ROBO3: variants seen among roughly 807,000 people sequenced by gnomAD.
ROBO3 encodes roundabout homolog 3.
A neutral mutation model predicts 160.5 loss-of-function variants in ROBO3; 97 were observed. That is an observed-to-expected ratio of 0.60 (90% CI 0.51 to 0.72). The LOEUF (loss-of-function observed/expected upper bound fraction) is 0.72. ROBO3 is among the 30% of genes least tolerant of loss of function. The pLI is 0.00. For missense variants in ROBO3, 1,858 were observed against 1,846.5 expected, an observed-to-expected ratio of 1.01 and a Z score of -0.11; for synonymous variants, 780 against 746.2, an observed-to-expected ratio of 1.05 and a Z score of -0.74.
chr11:124,874,402 A>G (rs1804850488), intron 12 of ROBO3, among the ~76,000 whole-genome samples, 166 bp downstream of exon 12: 1 of 152,148 alleles, frequency 6.6e-6, no homozygotes, highest in African/African-American at 2.4e-5. Context: ...CCTCTCACAG[A>G]AGAGACAAGG....
chr11:124,866,348 C>T (rs989769996), intron 1 of ROBO3, among the ~76,000 whole-genome samples: 4 of 152,202 alleles, frequency 2.6e-5, no homozygotes, highest in Non-Finnish European at 4.4e-5. Context: ...AGGTCGTTAC[C>T]GCTAATTACG....
chr11:124,868,035 T>C (rs1348848247), intron 1 of ROBO3, among the ~76,000 whole-genome samples: 1 of 152,194 alleles, frequency 6.6e-6, no homozygotes, highest in Non-Finnish European at 1.5e-5. Flanking sequence ...GTGGATGAAC[T>C]GATCGGAGTG....
In ROBO3 at chr11:124,873,094, G is replaced by C; in HGVS notation, c.1536+5G>C. The C allele has an allele frequency of 6.2e-7, 1 of 1,612,324 alleles. No individual in the cohort carries two copies. Among genetic ancestry groups the C allele is most frequent in the Non-Finnish European group, 8.5e-7 (1 of 1,178,962 alleles). ...CTGTACATCGCCAATGTGCAGGTGA[G>C]TGTCACCCCTGGGGCCCTAGTAGCT... On this transcript the variant is annotated splice_donor_5th_base_variant and intron_variant, in intron 9 of 27. Transcript: ENST00000397801. The surrounding 1 kb of genome is among the most constrained non-coding windows in gnomAD (Gnocchi z 4.5).
At position 124,876,026 on chromosome 11, in the gene ROBO3, C is replaced by A; in HGVS notation, c.2494C>A (p.Leu832Ile). ...SAAGWARSAM[L>I]RGLVPGLLYR... Reference sequence around the variant, plus strand: ...AGCAGGCTGGGCACGCTCCGCAATGCTCCGAGGACTGGTGCCCGGTCTCCT... The same window carrying A: ...AGCAGGCTGGGCACGCTCCGCAATGATCCGAGGACTGGTGCCCGGTCTCCT... The change falls in exon 16 of 28, where the codon CTC becomes ATC. Residue 832 changes from leucine (L) to isoleucine (I), a missense_variant. Transcript: ENST00000397801. The surrounding 1 kb of genome is among the most constrained non-coding windows in gnomAD (Gnocchi z 5.3). The A allele has an allele frequency of 6.2e-7, 1 of 1,604,950 alleles. No individual in the cohort carries two copies.
intron 19 of ROBO3, 95 bp from the exon 20 acceptor site, chr11:124,877,424 G>T (rs909115634): frequency 1.3e-6 from 2 of 1,590,650 alleles, no homozygotes; most frequent in Admixed American, 3.4e-5. Flanking sequence ...CAACACCACC[G>T]CCACTGTCCT....
Position 124,865,812 on chromosome 11 carries a change from G to A in ROBO3, c.160+75G>A. The A allele has an allele frequency of 2.1e-6, 3 of 1,462,208 alleles. No homozygotes were observed. Among genetic ancestry groups the A allele is most frequent in the Non-Finnish European group, 2.7e-6 (3 of 1,092,276 alleles). 90.6% of individuals were successfully genotyped at this position (1,462,208 alleles called of 1,614,324 possible). On this transcript the variant is annotated intron_variant, in intron 1 of 27. Coordinates refer to ENST00000397801, the MANE Select transcript of ROBO3 (RefSeq NM_022370.4). The surrounding 1 kb of genome is among the most constrained non-coding windows in gnomAD (Gnocchi z 5.5). Reference sequence around the variant, plus strand: ...GAGAGGGCGGCGTGGAAGGGAAGGAGAAGCGCTCCTGTCCCGAGGTCCGGG... The same window carrying A: ...GAGAGGGCGGCGTGGAAGGGAAGGAAAAGCGCTCCTGTCCCGAGGTCCGGG...
chr11:124,876,659 A>G lies in ROBO3; in HGVS notation c.2779+199A>G. On this transcript the variant is annotated intron_variant, in intron 17 of 27. Coordinates refer to ENST00000397801, the MANE Select transcript of ROBO3 (RefSeq NM_022370.4). The surrounding 1 kb of genome is among the most constrained non-coding windows in gnomAD (Gnocchi z 5.3). Reference sequence around the variant, plus strand: ...GGACTAGGGAGGGCTGCGGGCCAAGACGGGGCGGGATCTGGATGACGTTTG... The same window carrying G: ...GGACTAGGGAGGGCTGCGGGCCAAGGCGGGGCGGGATCTGGATGACGTTTG... 2.1e-6 allele frequency: 1 copy of G among 480,104 alleles called. No individual in the cohort carries two copies. Among genetic ancestry groups the G allele is most frequent in the Non-Finnish European group, 3.6e-6 (1 of 280,626 alleles). 29.7% of individuals were successfully genotyped at this position (480,104 alleles called of 1,614,324 possible). A position where few individuals can be genotyped will look rare whatever the true frequency, so the allele number is the denominator to read the frequency against.
intron 26 of ROBO3, among the ~76,000 whole-genome samples, 192 bp downstream of exon 26, chr11:124,880,140 G>A (rs979332455): frequency 1.3e-5 from 2 of 152,322 alleles, no homozygotes; most frequent in Non-Finnish European, 2.9e-5. Context: ...TCATTCCCAG[G>A]ATGGAAGCCC....
At position 124,878,115 on chromosome 11, in the gene ROBO3, G is replaced by T. The variant is rs766739452; in HGVS notation, c.3165G>T (p.Trp1055Cys). The T allele has an allele frequency of 2.5e-6, 4 of 1,607,326 alleles. No homozygotes were observed. In the South Asian group the frequency reaches 4.4e-5, roughly 18 times the overall value. The part of the protein sequence containing the change: ...GPWSQYAPPE[W>C]SQGDSGAKGG... ...GGAGCCAGTACGCTCCTCCAGAGTG[G>T]AGCCAGGGGGACAGTGGTATGACTC... Residue 1055 changes from tryptophan to cysteine, a missense_variant, in exon 21 of 28, where the codon TGG becomes TGT. By Grantham distance (215) the Trp-to-Cys change is radical. Coordinates refer to ENST00000397801, the MANE Select transcript of ROBO3 (RefSeq NM_022370.4). This position sits in a 1 kb window ranked among gnomAD's most constrained non-coding sequence, Gnocchi z 4.3.
rs955673553 is a variant in ROBO3 at position 124,876,690 on chromosome 11, A to G, written c.2779+230A>G. On this transcript the variant is annotated intron_variant, in intron 17 of 27. Coordinates refer to ENST00000397801, the MANE Select transcript of ROBO3 (RefSeq NM_022370.4). The surrounding 1 kb of genome is among the most constrained non-coding windows in gnomAD (Gnocchi z 5.3). ...CGGGATCTGGATGACGTTTGCCTCT[A>G]AGACGCCACGAGGAGGCCAGGCTTT... is the stretch of plus-strand genomic sequence containing the variant. 5.3e-5 allele frequency: 20 copies of G among 374,558 alleles called. No homozygotes were observed. In the Admixed American group the frequency reaches 7.0e-4, roughly 13 times the overall value. The allele number at this position is 374,558 out of a possible 1,614,324, so 23.2% of individuals were successfully genotyped here.
At chr11:124,866,973 GTGTT>G (rs1229542807) in intron 1 of ROBO3, among the ~76,000 whole-genome samples, 1 of 152,142 alleles carries the variant, frequency 6.6e-6, no homozygotes, top group East Asian at 1.9e-4. Context: ...CGTTTACAGA[GTGTT>G]TTCACCATAC....
rs763057874 is a variant in ROBO3 at position 124,880,501 on chromosome 11, T to C, written c.4042T>C (p.Ser1348Pro). ...TSTCSTAGSNSSRGSSSSRGS... is the reference protein window; with the variant it reads ...TSTCSTAGSNPSRGSSSSRGS... Reference sequence around the variant, plus strand: ...CACATGTTCCACGGCCGGCAGCAACTCTTCCAGGGGCTCCAGCAGCTCTAG... The same window carrying C: ...CACATGTTCCACGGCCGGCAGCAACCCTTCCAGGGGCTCCAGCAGCTCTAG... Residue 1348 changes from serine to proline, a missense_variant, in exon 27 of 28, where the codon TCT (serine) becomes CCT (proline). Physicochemically the swap from Ser to Pro is moderately conservative, Grantham distance 74. Coordinates refer to ENST00000397801, the MANE Select transcript of ROBO3 (RefSeq NM_022370.4). 4.4e-6 allele frequency: 7 copies of C among 1,597,914 alleles called. No individual in the cohort carries two copies. Among genetic ancestry groups the C allele is most frequent in the Non-Finnish European group, 6.0e-6 (7 of 1,171,862 alleles).
rs889741358 is a variant in ROBO3 at position 124,874,368 on chromosome 11, G to A, written c.1951+132G>A. The A allele has an allele frequency of 2.5e-5, 20 of 802,950 alleles. No homozygotes were observed. In the Admixed American group the frequency reaches 4.8e-4, roughly 19 times the overall value. The allele number at this position is 802,950 out of a possible 1,614,324, so 49.7% of individuals were successfully genotyped here. Reference sequence around the variant, plus strand: ...ATGCCAGGTCTATACTGGTGGCCCGGCCTGGAATAGGAGATCATGTTTGCC... The same window carrying A: ...ATGCCAGGTCTATACTGGTGGCCCGACCTGGAATAGGAGATCATGTTTGCC... On this transcript the variant is annotated intron_variant, in intron 12 of 27. Coordinates refer to ENST00000397801, the MANE Select transcript of ROBO3 (RefSeq NM_022370.4).
At position 124,876,596 on chromosome 11, in the gene ROBO3, T is replaced by TA. The variant is rs1946384242; in HGVS notation, c.2779+137dup. ...CGCACCTGGAGTTCAGCCTCTTGGG[T>TA]AGGGGCGGGATACGTGGGGCGACTC... On this transcript the variant is annotated intron_variant, in intron 17 of 27. Coordinates refer to ENST00000397801, the MANE Select transcript of ROBO3 (RefSeq NM_022370.4). The surrounding 1 kb of genome is among the most constrained non-coding windows in gnomAD (Gnocchi z 5.3). 1.4e-6 allele frequency: 1 copy of TA among 712,842 alleles called. No individual in the cohort carries two copies. Among genetic ancestry groups the TA allele is most frequent in the South Asian group, 3.7e-5 (1 of 26,750 alleles). 44.2% of individuals were successfully genotyped at this position (712,842 alleles called of 1,614,324 possible). A position where few individuals can be genotyped will look rare whatever the true frequency, so the allele number is the denominator to read the frequency against.
Position 124,868,881 on chromosome 11 carries a change from C to A in ROBO3, c.240C>A (p.Pro80=). The change falls in exon 2 of 28, where the codon CCC becomes CCA. Residue 80 remains proline (P), a synonymous_variant. Coordinates refer to ENST00000397801, the MANE Select transcript of ROBO3 (RefSeq NM_022370.4). ...PPDLLVSRGE[P]ATLPCRAEGR... is the part of the protein sequence containing the mutation. ...ATCTGCTGGTCTCCCGAGGCGAGCCCGCCACGTTGCCCTGCCGCGCTGAAG... is the reference window on the plus strand; with the variant it reads ...ATCTGCTGGTCTCCCGAGGCGAGCCAGCCACGTTGCCCTGCCGCGCTGAAG... The A allele has an allele frequency of 6.2e-7, 1 of 1,608,242 alleles. No individual in the cohort carries two copies. Among genetic ancestry groups the A allele is most frequent in the Non-Finnish European group, 8.5e-7 (1 of 1,178,130 alleles).
rs767311722 is a variant in ROBO3 at position 124,872,476 on chromosome 11, T to C, written c.1254T>C (p.Asp418=). The change falls in exon 8 of 28, where the codon GAT becomes GAC. Residue 418 remains aspartate (D), a synonymous_variant. Coordinates refer to ENST00000397801, the MANE Select transcript of ROBO3 (RefSeq NM_022370.4). This position sits in a 1 kb window ranked among gnomAD's most constrained non-coding sequence, Gnocchi z 4.3. The part of the protein sequence containing the change: ...QLNITAVQRG[D]AGYYVCQAVS... ...ACATCACCGCGGTGCAGCGTGGGGATGCTGGGTACTACGTGTGCCAGGCTG... is the reference window on the plus strand; with the variant it reads ...ACATCACCGCGGTGCAGCGTGGGGACGCTGGGTACTACGTGTGCCAGGCTG... 9 of 1,613,890 alleles carry C rather than the reference T, an allele frequency of 5.6e-6. No homozygotes were observed. In the South Asian group the frequency reaches 9.9e-5, roughly 18 times the overall value.
chr11:124,868,760 A>T, intron 1 of ROBO3, 42 bp from the exon 2 acceptor site: 1 of 1,552,392 alleles, frequency 6.4e-7, no homozygotes, highest in East Asian at 2.4e-5. Flanking sequence ...CTCTCCCCAC[A>T]ATTTCCCTGT....
chr11:124,873,640 T>A lies in ROBO3; in HGVS notation c.1619-57T>A. On this transcript the variant is annotated intron_variant, in intron 10 of 27. Transcript: ENST00000397801. This position sits in a 1 kb window ranked among gnomAD's most constrained non-coding sequence, Gnocchi z 4.5. ...ATAGCTCCCCTGGTAAGGAGACAGG[T>A]TACACTAGGATTATCCTTTCCCTAT... The A allele has an allele frequency of 6.7e-7, 1 of 1,497,260 alleles. No homozygotes were observed. Among genetic ancestry groups the A allele is most frequent in the Non-Finnish European group, 9.1e-7 (1 of 1,103,682 alleles). The allele number at this position is 1,497,260 out of a possible 1,614,324, so 92.7% of individuals were successfully genotyped here.
At position 124,873,428 on chromosome 11, in the gene ROBO3, C is replaced by CT; in HGVS notation, c.1618+39dup. On this transcript the variant is annotated intron_variant, in intron 10 of 27. Transcript: ENST00000397801. This position sits in a 1 kb window ranked among gnomAD's most constrained non-coding sequence, Gnocchi z 4.5. ...CTTTCTTCCCTTATTTTGATAATAC[C>CT]TTCCTCCAAACCTGCTTCAACAGGT... 1 of 1,547,346 alleles carries CT rather than the reference C, an allele frequency of 6.5e-7. No homozygotes were observed. The highest frequency in any genetic ancestry group is 8.8e-7 in the Non-Finnish European group (1 of 1,130,554).
Sources: gnomAD v4.1 joint callset for allele counts (sites outside exome capture counted in the v4.1 genomes callset) on GRCh38, gnomAD v4.1.1 for gene constraint, Gnocchi (gnomAD v3.1) non-coding constraint, MANE v1.5 for transcripts, NCBI Gene and HGNC (gene_info 2026-07-23, HGNC 2026-07-21) for gene names.